GSTM5: variants seen among roughly 807,000 people sequenced by gnomAD.
The protein encoded by GSTM5 is glutathione S-transferase mu 5.
In GSTM5, 24 loss-of-function variants were observed where a neutral mutation model predicts 29.0. That is an observed-to-expected ratio of 0.83 (90% CI 0.60 to 1.16). The LOEUF is 1.16. GSTM5 is among the 50% of genes most tolerant of loss of function. The probability of loss-of-function intolerance (pLI) is 0.00; values close to 1 mark genes in which losing one functional copy is unlikely to be tolerated. For missense variants in GSTM5, 290 were observed against 263.0 expected (o/e 1.10, Z -0.71); for synonymous variants, 91 against 93.6 (o/e 0.97, Z 0.16).
chr1:109,717,112 G>T, intron 7 of GSTM5: 1 of 455,720 alleles, frequency 2.2e-6, no homozygotes, highest in Non-Finnish European at 4.1e-6. Flanking sequence ...GCACAGTGTA[G>T]ATCTTTCGTA....
chr1:109,713,682 A>C lies in GSTM5; in HGVS notation c.281A>C (p.Lys94Thr), dbSNP rs1238661447. 4 of 1,614,062 alleles carry C rather than the reference A, an allele frequency of 2.5e-6. No individual in the cohort carries two copies. The Admixed American group carries it at 6.7e-5, about 27-fold the overall frequency. Residue 94 changes from lysine (K) to threonine (T), a missense_variant, in exon 5 of 8, where the codon AAG becomes ACG. Physicochemically the swap from Lys to Thr is moderately conservative, Grantham distance 78 (BLOSUM62 -1). Coordinates refer to ENST00000256593, the MANE Select transcript of GSTM5 (RefSeq NM_000851.4). ...GCAGGTGGGGAGACAGAAGAGGAGA[A>C]GATTCGTGTGGACATTTTGGAGAAC... ...HNLCGETEEE[K>T]IRVDILENQV...
At chr1:109,712,150 C>A, upstream of GSTM5, 1 of 773,206 alleles carries the variant, frequency 1.3e-6, no homozygotes, top group Non-Finnish European at 2.3e-6. Flanking sequence ...TTGATTCCAG[C>A]CCCGGGCGCT....
At position 109,713,534 on chromosome 1, in the gene GSTM5, C is replaced by T; in HGVS notation, c.228C>T (p.Ile76=). The change falls in exon 4 of 8, where the codon ATC becomes ATT. Residue 76 remains isoleucine (I), a synonymous_variant. Coordinates refer to ENST00000256593, the MANE Select transcript of GSTM5 (RefSeq NM_000851.4). The stretch of plus-strand genomic sequence containing the variant: ...ACAAGATCACCCAGAGCAATGCCAT[C>T]CTGCGCTACATTGCCCGCAAGCACA... ...GAHKITQSNA[I]LRYIARKHNL... 2 of 1,614,230 alleles carry T rather than the reference C, an allele frequency of 1.2e-6. No individual in the cohort carries two copies. The highest frequency in any genetic ancestry group is 1.7e-6 in the Non-Finnish European group (2 of 1,180,058).
At chr1:109,716,159 C>T (rs1557972808) in intron 7 of GSTM5, 3 of 274,680 alleles carry the variant, frequency 1.1e-5, no homozygotes, top group Non-Finnish European at 2.1e-5. Context: ...CATCCCTCAC[C>T]TGTGTTGAAG....
Position 109,717,528 on chromosome 1 carries a change from CT to C in GSTM5, c.*105del, listed in dbSNP as rs1648793012. ...GGACCTGCCTTCTTCCTTTTTCCTT[CT>C]TTCTACTCTCTTCTCTTCCCCAAGG... On this transcript the variant is annotated 3_prime_UTR_variant, in exon 8 of 8. Coordinates refer to ENST00000256593, the MANE Select transcript of GSTM5 (RefSeq NM_000851.4). The C allele has an allele frequency of 6.2e-6, 5 of 800,832 alleles. No individual in the cohort carries two copies. The African/African-American group carries it at 8.5e-5, about 14-fold the overall frequency. 49.6% of individuals were successfully genotyped at this position (800,832 alleles called of 1,614,324 possible). A position where few individuals can be genotyped will look rare whatever the true frequency, so the allele number is the denominator to read the frequency against.
rs1427919377 is a variant in GSTM5, at chr1:109,715,225, C to A, written c.552C>A (p.Phe184Leu). ...ACGCCTTCCTAAACTTGAAGGACTT[C>A]ATCTCCCGCTTTGAGGTGATGCCCC... ...CLDAFLNLKDFISRFEGLKKI... is the reference protein window; with the variant it reads ...CLDAFLNLKDLISRFEGLKKI... Residue 184 changes from phenylalanine (F) to leucine (L), a missense_variant, in exon 7 of 8, where the codon TTC (phenylalanine) becomes TTA (leucine). Physicochemically the swap from Phe to Leu is conservative, Grantham distance 22 (BLOSUM62 0). Coordinates refer to ENST00000256593, the MANE Select transcript of GSTM5 (RefSeq NM_000851.4). 2 of 1,614,230 alleles carry A rather than the reference C, an allele frequency of 1.2e-6. No homozygotes were observed. Among genetic ancestry groups the A allele is most frequent in the South Asian group, 2.2e-5 (2 of 91,082 alleles).
intron 2 of GSTM5, 109 bp from the exon 3 acceptor site, chr1:109,713,010 A>G: frequency 7.8e-7 from 1 of 1,286,806 alleles, no homozygotes; most frequent in Non-Finnish European, 1.1e-6. Context: ...GAGTGGTCAG[A>G]TTCTAGATCC....
rs1422660073 is a variant in GSTM5 at position 109,713,696 on chromosome 1, A to C, written c.295A>C (p.Ile99Leu). 1.2e-6 allele frequency: 2 copies of C among 1,613,418 alleles called. No homozygotes were observed. The highest frequency in any genetic ancestry group is 1.1e-5 in the South Asian group (1 of 91,040). ...AGAAGAGGAGAAGATTCGTGTGGAC[A>C]TTTTGGAGAACCAGGTTATGGATAA... is the stretch of plus-strand genomic sequence containing the variant. ...ETEEEKIRVD[I>L]LENQVMDNHM... The change falls in exon 5 of 8, where the codon ATT becomes CTT. Residue 99 changes from isoleucine to leucine, a missense_variant. Transcript: ENST00000256593.
At chr1:109,715,590 AGCCTCAG>A in intron 7 of GSTM5, 1 of 1,183,614 alleles carries the variant, frequency 8.4e-7, no homozygotes, top group Non-Finnish European at 1.1e-6. Flanking sequence ...CAAAAGGAGA[AGCCTCAG>A]GCCTCATCCA....
rs775619252 is a variant in GSTM5 at position 109,717,862 on chromosome 1, C to T, written c.*436C>T. 3 of 164,564 alleles carry T rather than the reference C, an allele frequency of 1.8e-5. No individual in the cohort carries two copies. Among genetic ancestry groups the T allele is most frequent in the Non-Finnish European group, 2.6e-5 (2 of 75,626 alleles). 10.2% of individuals were successfully genotyped at this position (164,564 alleles called of 1,614,324 possible). A position where few individuals can be genotyped will look rare whatever the true frequency, so the allele number is the denominator to read the frequency against. ...TGCCTGCCATGTCTTGTCTTATTCC[C>T]TGAGGCTCCCTTGACTCAGGACTGT... On this transcript the variant is annotated 3_prime_UTR_variant, in exon 8 of 8. Transcript: ENST00000256593.
At chr1:109,712,594 C>T (rs1648593291) in intron 1 of GSTM5, 24 bp from the exon 2 acceptor site, 5 of 1,613,160 alleles carry the variant, frequency 3.1e-6, no homozygotes, top group Admixed American at 1.7e-5. Context: ...ATCTCTGACC[C>T]GAGCCGCGGG....
At chr1:109,714,317 A>G (rs1648671683) in intron 5 of GSTM5, 1 of 159,596 alleles carries the variant, frequency 6.3e-6, no homozygotes, top group Non-Finnish European at 1.4e-5. Flanking sequence ...CTGTCAGTTG[A>G]TTTATATCAC....
intron 7 of GSTM5, chr1:109,716,230 A>T (rs926232300): frequency 1.9e-5 from 4 of 214,368 alleles, no homozygotes; most frequent in African/African-American, 7.1e-5. Flanking sequence ...CATTAGTCCA[A>T]CAGGCTTCTG....
At position 109,713,773 on chromosome 1, in the gene GSTM5, A is replaced by C; in HGVS notation, c.360+12A>C. On this transcript the variant is annotated intron_variant, in intron 5 of 7. Transcript: ENST00000256593. ...ATGACCCAGATTTTGTGAGTCCCAC[A>C]CCCCACTCCCAGTCACCCATTTCCC... 2 of 1,605,526 alleles carry C rather than the reference A, an allele frequency of 1.2e-6. No individual in the cohort carries two copies. The highest frequency in any genetic ancestry group is 1.7e-6 in the Non-Finnish European group (2 of 1,173,346).
chr1:109,712,695 T>A lies in GSTM5; in HGVS notation c.112+2T>A, dbSNP rs768442636. ...AAAAGAAGTACACGCTGGGGGACGG[T>A]AATGGCACCCTCGTGTCCGGGCCCT... On this transcript the variant is annotated splice_donor_variant, in intron 2 of 7. Transcript: ENST00000256593. LOFTEE classifies it high-confidence loss of function. The A allele has an allele frequency of 1.2e-6, 2 of 1,613,862 alleles. No homozygotes were observed. The highest frequency in any genetic ancestry group is 1.7e-6 in the Non-Finnish European group (2 of 1,179,862).
intron 7 of GSTM5, chr1:109,717,127 GTAGCT>G: frequency 3.0e-6 from 1 of 338,042 alleles, no homozygotes; most frequent in Non-Finnish European, 5.4e-6. Context: ...TTCGTAAATG[GTAGCT>G]GTTATTATGG....
Position 109,712,677 on chromosome 1 carries a change from G to A in GSTM5, c.96G>A (p.Lys32=). The change falls in exon 2 of 8, where the codon AAG becomes AAA. Residue 32 remains lysine (K), a synonymous_variant. Coordinates refer to ENST00000256593, the MANE Select transcript of GSTM5 (RefSeq NM_000851.4). ...EYTDSSYVEK[K]YTLGDAPDYD... is the part of the protein sequence containing the mutation. ...CAGACTCAAGCTATGTGGAAAAGAA[G>A]TACACGCTGGGGGACGGTAATGGCA... is the stretch of plus-strand genomic sequence containing the variant. The A allele has an allele frequency of 9.9e-6, 16 of 1,614,166 alleles. No homozygotes were observed. The highest frequency in any genetic ancestry group is 1.3e-5 in the Non-Finnish European group (15 of 1,180,016).
In GSTM5 at chr1:109,714,968, T is replaced by C. The variant is rs2229059; in HGVS notation, c.382T>C (p.Leu128=). 0.068 allele frequency: 109,657 copies of C among 1,614,130 alleles called. 4,080 individuals are homozygous for C. The highest frequency in any genetic ancestry group is 0.077 in the Non-Finnish European group (90,936 of 1,179,954). Residue 128 remains leucine, a synonymous_variant, in exon 6 of 8, where the codon TTG becomes CTG. Coordinates refer to ENST00000256593, the MANE Select transcript of GSTM5 (RefSeq NM_000851.4). The part of the protein sequence containing the change: ...PDFEKLKPKY[L]EELPEKLKLY... ...TCAGGAGAAACTGAAGCCAAAATAC[T>C]TGGAGGAACTCCCTGAAAAGCTAAA...
At position 109,712,525 on chromosome 1, in the gene GSTM5, T is replaced by G. The variant is rs535969102; in HGVS notation, c.37-93T>G. ...GCGGGTAGAGGAGGCGACGGGTACG[T>G]GCAGTATAGACTAGGGGCTGGCCTG... On this transcript the variant is annotated intron_variant, in intron 1 of 7. Transcript: ENST00000256593. 65 of 1,457,734 alleles carry G rather than the reference T, an allele frequency of 4.5e-5. No homozygotes were observed. In the African/African-American group the frequency reaches 8.3e-4, roughly 19 times the overall value. 90.3% of individuals were successfully genotyped at this position (1,457,734 alleles called of 1,614,324 possible).
Sources: allele counts gnomAD v4.1 joint callset, GRCh38; gene constraint gnomAD v4.1.1; transcripts MANE v1.5; gene names NCBI Gene and HGNC (gene_info 2026-07-23, HGNC 2026-07-21).